The following PEX1 variants were observed in gnomAD, a reference collection of about 807,000 sequenced individuals.
PEX1 encodes peroxisomal biogenesis factor 1, also known as peroxisomal ATPase PEX1.
In PEX1, 97 loss-of-function variants were observed where a neutral mutation model predicts 152.5. The observed-to-expected ratio is 0.64, with a 90% CI of 0.54 to 0.75. The LOEUF (loss-of-function observed/expected upper bound fraction) is 0.75, where lower values mean the gene tolerates loss of function less well. Ranked by LOEUF, PEX1 falls within the 30% of genes least tolerant of loss-of-function variation. PEX1 has a pLI of 0.00. For missense variants in PEX1, 1,357 were observed against 1,516.3 expected, an observed-to-expected ratio of 0.89 and a Z score of 1.74; for synonymous variants, 485 against 531.6, an observed-to-expected ratio of 0.91 and a Z score of 1.21.
Position 92,507,038 on chromosome 7 carries a change from C to A in PEX1, c.1759G>T (p.Val587Phe). 2 of 1,614,132 alleles carry A rather than the reference C, an allele frequency of 1.2e-6. No homozygotes were observed. The highest frequency in any genetic ancestry group is 1.7e-6 in the Non-Finnish European group (2 of 1,179,988). ...AGAGCTCCATTCCTAAGTCCTGCAACAAGAGACATCAGCTGCCGAGACAAA... is the reference window on the plus strand; with the variant it reads ...AGAGCTCCATTCCTAAGTCCTGCAAAAAGAGACATCAGCTGCCGAGACAAA... ...RPLSRQLMSLVAGLRNGALLL... is the reference protein window; with the variant it reads ...RPLSRQLMSLFAGLRNGALLL... Residue 587 changes from valine (V) to phenylalanine (F), a missense_variant, in exon 10 of 24, where the codon GTT becomes TTT. By Grantham distance (50) the Val-to-Phe change is conservative (BLOSUM62 -1). Coordinates refer to ENST00000248633, the MANE Select transcript of PEX1 (RefSeq NM_000466.3).
At chr7:92,494,243 A>C (rs764179592) in intron 19 of PEX1, 50 bp downstream of exon 19, 38 of 1,322,964 alleles carry the variant, frequency 2.9e-5, no homozygotes, top group Non-Finnish European at 4.0e-5. Flanking sequence ...GCTCACAAGG[A>C]AAGAGTGTAG....
intron 2 of PEX1, among the ~76,000 whole-genome samples, chr7:92,521,623 G>T (rs192649316): frequency 7.9e-5 from 12 of 151,882 alleles, no homozygotes; most frequent in African/African-American, 2.9e-4. Context: ...TTAGTAGAGA[G>T]GGGGGGTTTC....
At chr7:92,490,639 A>G in intron 21 of PEX1, among the ~76,000 whole-genome samples, 1 of 151,786 alleles carries the variant, frequency 6.6e-6, no homozygotes, top group African/African-American at 2.4e-5. Flanking sequence ...TCTCAAAAAA[A>G]AAAAAAAAAA....
chr7:92,528,456 G>C lies in PEX1; in HGVS notation c.-21C>G, dbSNP rs751946720. The C allele has an allele frequency of 3.2e-6, 5 of 1,569,562 alleles. No individual in the cohort carries two copies. Among genetic ancestry groups the C allele is most frequent in the East Asian group, 2.3e-5 (1 of 42,864 alleles). On this transcript the variant is annotated 5_prime_UTR_variant, in exon 1 of 24. Transcript: ENST00000248633. ...CACATCGTCCCGGAGCGTCGCTCTG[G>C]GTTCGCCCACCCTAGCGCCGCAAAG...
At chr7:92,499,165 T>C (rs934682658) in intron 16 of PEX1, among the ~76,000 whole-genome samples, 4 of 152,146 alleles carry the variant, frequency 2.6e-5, no homozygotes, top group Non-Finnish European at 5.9e-5. Context: ...TGGTGGTTCT[T>C]TGAAAAGTTA....
Position 92,489,914 on chromosome 7 carries a change from G to C in PEX1, c.3439-3C>G. On this transcript the variant is annotated splice_region_variant and splice_polypyrimidine_tract_variant and intron_variant, in intron 21 of 23. Coordinates refer to ENST00000248633, the MANE Select transcript of PEX1 (RefSeq NM_000466.3). ...GGTGCAGAGAGACATTGTGAGCTCTGCATGGTAAATTGTAGTAATGAAAGA... is the reference window on the plus strand; with the variant it reads ...GGTGCAGAGAGACATTGTGAGCTCTCCATGGTAAATTGTAGTAATGAAAGA... 6.2e-7 allele frequency: 1 copy of C among 1,612,116 alleles called. No homozygotes were observed. The highest frequency in any genetic ancestry group is 1.3e-5 in the African/African-American group (1 of 74,956).
At chr7:92,492,553 G>A (rs1791393382) in intron 20 of PEX1, among the ~76,000 whole-genome samples, 1 of 152,094 alleles carries the variant, frequency 6.6e-6, no homozygotes, top group Admixed American at 6.5e-5. Flanking sequence ...ATACAAAAGG[G>A]GCTCCTATTG....
intron 5 of PEX1, among the ~76,000 whole-genome samples, chr7:92,514,468 C>T (rs941013911): frequency 6.6e-6 from 1 of 152,124 alleles, no homozygotes; most frequent in African/African-American, 2.4e-5. Flanking sequence ...TTCACCAAAC[C>T]CATCTTTTAA....
At chr7:92,490,589 T>A (rs2116051101) in intron 21 of PEX1, among the ~76,000 whole-genome samples, 1 of 149,242 alleles carries the variant, frequency 6.7e-6, no homozygotes, top group Non-Finnish European at 1.5e-5. Flanking sequence ...GAGCCATAAT[T>A]GTGCCACTGC....
chr7:92,523,696 T>G (rs1319923334), intron 1 of PEX1, among the ~76,000 whole-genome samples: 3 of 152,028 alleles, frequency 2.0e-5, no homozygotes, highest in African/African-American at 4.8e-5. Context: ...CCAGGTGTGG[T>G]GGCATACGCC....
chr7:92,528,253 C>T, intron 1 of PEX1, 54 bp downstream of exon 1: 2 of 1,542,974 alleles, frequency 1.3e-6, no homozygotes, highest in Non-Finnish European at 1.7e-6. Context: ...TGAGAGGCTT[C>T]GGCCTCGTCC....
intron 5 of PEX1, among the ~76,000 whole-genome samples, chr7:92,516,324 G>A (rs1403979608): frequency 6.6e-6 from 1 of 152,098 alleles, no homozygotes; most frequent in Non-Finnish European, 1.5e-5. Context: ...CTACTCAGGA[G>A]GCTGAGGCAG....
chr7:92,514,244 C>T (rs1792616661), intron 5 of PEX1, among the ~76,000 whole-genome samples: 2 of 152,134 alleles, frequency 1.3e-5, no homozygotes, highest in African/African-American at 4.8e-5. Flanking sequence ...CTAATCACTT[C>T]CCAAAGACCA....
At chr7:92,502,924 A>G in intron 13 of PEX1, 117 bp downstream of exon 13, 1 of 870,092 alleles carries the variant, frequency 1.1e-6, no homozygotes, top group Non-Finnish European at 1.9e-6. Context: ...GTTGACTTAC[A>G]TATCCTTAAA....
At position 92,509,364 on chromosome 7, in the gene PEX1, G is replaced by A. The variant is rs759202828; in HGVS notation, c.1635C>T (p.Asp545=). ...TCAGCTTTAAAAAAGGAAGAATAAA[G>A]TCAATTTCCTCACTGTTTTCTTCTT... ...MVKEENSEEI[D]FILPFLKLSS... The change falls in exon 9 of 24, where the codon GAC becomes GAT. Residue 545 remains aspartate (D), a synonymous_variant. Transcript: ENST00000248633. The A allele has an allele frequency of 3.1e-6, 5 of 1,612,858 alleles. No homozygotes were observed. In the East Asian group the frequency reaches 6.7e-5, roughly 22 times the overall value.
intron 16 of PEX1, among the ~76,000 whole-genome samples, chr7:92,497,931 G>A (rs1169183935): frequency 6.6e-6 from 1 of 151,244 alleles, no homozygotes; most frequent in South Asian, 2.1e-4. Context: ...CACCGGGTGC[G>A]GTGGCAGGCG....
intron 1 of PEX1, 119 bp downstream of exon 1, chr7:92,528,188 G>A: frequency 7.3e-7 from 1 of 1,361,096 alleles, no homozygotes. Context: ...GAGGGACCCT[G>A]ATCTCTGCGC....
Position 92,487,336 on chromosome 7 carries a change from T to G in PEX1, c.*121A>C. The G allele has an allele frequency of 1.6e-6, 1 of 618,804 alleles. No individual in the cohort carries two copies. The highest frequency in any genetic ancestry group is 2.9e-6 in the Non-Finnish European group (1 of 347,272). The allele number at this position is 618,804 out of a possible 1,614,324, so 38.3% of individuals were successfully genotyped here. ...TTATAGCATTTACCAATCTGTGATTTTATAAATTAACCAAATTTGTTAAAT... is the reference window on the plus strand; with the variant it reads ...TTATAGCATTTACCAATCTGTGATTGTATAAATTAACCAAATTTGTTAAAT... On this transcript the variant is annotated 3_prime_UTR_variant, in exon 24 of 24. Coordinates refer to ENST00000248633, the MANE Select transcript of PEX1 (RefSeq NM_000466.3).
At chr7:92,519,109 TA>T in intron 2 of PEX1, 31 bp from the exon 3 acceptor site, 2 of 1,266,228 alleles carry the variant, frequency 1.6e-6, no homozygotes, top group South Asian at 1.2e-5. Flanking sequence ...AAAACTACTT[TA>T]AAAAAACTTT....
Sources: gnomAD v4.1 joint callset for allele counts (sites outside exome capture counted in the v4.1 genomes callset) on GRCh38, gnomAD v4.1.1 for gene constraint, MANE v1.5 for transcripts, NCBI Gene and HGNC (gene_info 2026-07-23, HGNC 2026-07-21) for gene names.